CADPS: variants seen among roughly 807,000 people sequenced by gnomAD.
CADPS encodes the protein calcium-dependent secretion activator 1.
In CADPS, 57 loss-of-function variants were observed where a neutral mutation model predicts 167.3. That is an observed-to-expected ratio of 0.34 (90% confidence interval 0.28 to 0.42). The LOEUF (loss-of-function observed/expected upper bound fraction) is 0.42. Among genes scored for constraint, CADPS ranks in the 20% least tolerant of loss-of-function variants. The pLI is 1.00. For synonymous variants in CADPS, 676 were observed against 635.3 expected (o/e 1.06, Z -0.96); for missense variants, 1,414 against 1,738.1 (o/e 0.81, Z 3.32).
chr3:62,763,226 A>G lies in CADPS; in HGVS notation c.555+2645T>C, dbSNP rs928787295. On this transcript the variant is annotated intron_variant, in intron 2 of 29. Coordinates refer to ENST00000383710, the MANE Select transcript of CADPS (RefSeq NM_003716.4). ...GACATATGATCCATGTCAGTCCAAC[A>G]AAGTCACCCCATGTCTTTGCTAGGG... is the stretch of plus-strand genomic sequence containing the variant. 2.0e-5 allele frequency among the ~76,000 whole-genome samples: 3 copies of G among 152,154 alleles called. No individual in the cohort carries two copies. The East Asian group carries it at 5.8e-4, about 29-fold the overall frequency.
intron 24 of CADPS, among the ~76,000 whole-genome samples, chr3:62,472,579 T>C (rs1005905136): frequency 6.6e-6 from 1 of 152,196 alleles, no homozygotes; most frequent in Non-Finnish European, 1.5e-5. Flanking sequence ...ACCTGGCAGC[T>C]TGGACTCTAG....
chr3:62,849,067 T>C lies in CADPS; in HGVS notation c.441+25522A>G, dbSNP rs973222317. Among the ~76,000 whole-genome samples the C allele has an allele frequency of 5.5e-4, 83 of 150,946 alleles. 1 individual carries two copies. The highest frequency in any genetic ancestry group is 1.9e-3 in the African/African-American group (77 of 40,620). On this transcript the variant is annotated intron_variant, in intron 1 of 29. Transcript: ENST00000383710. ...ATTGTGAATGGGAGTTCACTCATGA[T>C]TTGGCTGTTTGTCTGTTGTTGGTGT...
At chr3:62,812,464 A>G (rs2094432694) in intron 1 of CADPS, among the ~76,000 whole-genome samples, 1 of 152,196 alleles carries the variant, frequency 6.6e-6, no homozygotes, top group East Asian at 1.9e-4. Flanking sequence ...CCTTCCTGCT[A>G]GAAAATGAGT....
At chr3:62,818,867 T>A (rs563790520) in intron 1 of CADPS, among the ~76,000 whole-genome samples, 80 of 152,284 alleles carry the variant, frequency 5.3e-4, no homozygotes, top group African/African-American at 1.8e-3. Context: ...AATCTACTGA[T>A]ACACACAACA....
chr3:62,559,731 T>G (rs1436989710), intron 9 of CADPS, among the ~76,000 whole-genome samples: 1 of 152,140 alleles, frequency 6.6e-6, no homozygotes, highest in Admixed American at 6.5e-5. Context: ...CGACTTCAGG[T>G]GATCTGCCCG....
At chr3:62,711,072 G>A (rs1321473262) in intron 3 of CADPS, among the ~76,000 whole-genome samples, 5 of 152,108 alleles carry the variant, frequency 3.3e-5, no homozygotes, top group African/African-American at 4.8e-5. Context: ...TTGGGGCCAA[G>A]AATTCCTCAG....
chr3:62,620,913 G>C lies in CADPS; in HGVS notation c.1325+24809C>G, dbSNP rs532240186. The stretch of plus-strand genomic sequence containing the variant: ...CTCCCTTTGCCTCTGTCAGGATGCA[G>C]GATGATGATTAAAAGGAGCACTGGA... On this transcript the variant is annotated intron_variant, in intron 6 of 29. Transcript: ENST00000383710. Among the ~76,000 whole-genome samples, 3 of 152,262 alleles carry C rather than the reference G, an allele frequency of 2.0e-5. No homozygotes were observed. The South Asian group carries it at 6.2e-4, about 32-fold the overall frequency.
intron 6 of CADPS, among the ~76,000 whole-genome samples, chr3:62,642,671 A>T (rs923677154): frequency 1.3e-5 from 2 of 152,148 alleles, no homozygotes; most frequent in African/African-American, 4.8e-5. Context: ...CTTTGGGAGG[A>T]TGAGGCGGGG....
chr3:62,794,242 T>A (rs1417287179), intron 1 of CADPS, among the ~76,000 whole-genome samples: 1 of 152,094 alleles, frequency 6.6e-6, no homozygotes, highest in Non-Finnish European at 1.5e-5. Flanking sequence ...GTGTGTAGAA[T>A]GCGGATAACA....
Position 62,805,348 on chromosome 3 carries a change from T to C in CADPS, c.442-39364A>G, listed in dbSNP as rs115898667. ...ACCTATGAAGTAGGTATTAACCTTA[T>C]CTCCCTTTGTCTGAGGAAGAAACTG... is the stretch of plus-strand genomic sequence containing the variant. On this transcript the variant is annotated intron_variant, in intron 1 of 29. Coordinates refer to ENST00000383710, the MANE Select transcript of CADPS (RefSeq NM_003716.4). 8.9e-3 allele frequency among the ~76,000 whole-genome samples: 1,361 copies of C among 152,278 alleles called. 18 individuals carry two copies. The highest frequency in any genetic ancestry group is 0.031 in the African/African-American group (1,279 of 41,556).
At chr3:62,414,226 C>G (rs1316387497) in intron 28 of CADPS, among the ~76,000 whole-genome samples, 2 of 152,170 alleles carry the variant, frequency 1.3e-5, no homozygotes, top group East Asian at 3.9e-4. Context: ...TCCCCTGTCC[C>G]TTATCCACCA....
intron 11 of CADPS, among the ~76,000 whole-genome samples, chr3:62,539,663 T>G (rs1290321056): frequency 2.6e-5 from 4 of 152,156 alleles, no homozygotes; most frequent in African/African-American, 9.6e-5. Context: ...GAATAGTACC[T>G]GGCACGTAGT....
At chr3:62,513,448 T>C (rs2068299758) in intron 16 of CADPS, among the ~76,000 whole-genome samples, 1 of 151,946 alleles carries the variant, frequency 6.6e-6, no homozygotes, top group South Asian at 2.1e-4. Context: ...GGCTTAATTG[T>C]CTAACCTGTT....
At chr3:62,820,032 CACA>C (rs1333634877) in intron 1 of CADPS, among the ~76,000 whole-genome samples, 1 of 2,586 alleles carries the variant, frequency 3.9e-4, no homozygotes, top group Admixed American at 3.5e-3. Flanking sequence ...CATGTGTGCA[CACA>C]CACACACACA....
intron 1 of CADPS, among the ~76,000 whole-genome samples, chr3:62,774,197 A>C (rs2089689148): frequency 6.6e-6 from 1 of 152,176 alleles, no homozygotes; most frequent in African/African-American, 2.4e-5. Context: ...GAGAAGGAGA[A>C]GGAGGTCTAC....
rs369626712 is a variant in CADPS, at chr3:62,806,411, A to C, written c.442-40427T>G. Among the ~76,000 whole-genome samples the C allele has an allele frequency of 3.0e-4, 46 of 151,076 alleles. 1 individual carries two copies. Among genetic ancestry groups the C allele is most frequent in the African/African-American group, 1.1e-3 (46 of 41,172 alleles). ...GCCGGGTGTGGTGGCATGCAACTGTATTCCTAGTTACTCAGAAGGCTGAGG... is the reference window on the plus strand; with the variant it reads ...GCCGGGTGTGGTGGCATGCAACTGTCTTCCTAGTTACTCAGAAGGCTGAGG... On this transcript the variant is annotated intron_variant, in intron 1 of 29. Coordinates refer to ENST00000383710, the MANE Select transcript of CADPS (RefSeq NM_003716.4).
chr3:62,785,144 G>A lies in CADPS; in HGVS notation c.442-19160C>T, dbSNP rs1022880599. On this transcript the variant is annotated intron_variant, in intron 1 of 29. Transcript: ENST00000383710. ...TGATCATTAACAAGTTGGATGATGGGTACAAGAGGGTTAGTTAAACTAACC... is the reference window on the plus strand; with the variant it reads ...TGATCATTAACAAGTTGGATGATGGATACAAGAGGGTTAGTTAAACTAACC... 1.2e-4 allele frequency among the ~76,000 whole-genome samples: 18 copies of A among 152,100 alleles called. 1 individual carries two copies. Among genetic ancestry groups the A allele is most frequent in the Admixed American group, 3.3e-4 (5 of 15,266 alleles).
At chr3:62,549,391 A>T (rs2076972659) in intron 11 of CADPS, among the ~76,000 whole-genome samples, 1 of 146,516 alleles carries the variant, frequency 6.8e-6, no homozygotes, top group South Asian at 2.2e-4. Context: ...AGACAGTTTC[A>T]TTTTTGGGTC....
chr3:62,431,971 T>A (rs1038283268), intron 28 of CADPS, among the ~76,000 whole-genome samples: 4 of 152,022 alleles, frequency 2.6e-5, no homozygotes, highest in African/African-American at 9.7e-5. Context: ...GTTAGCCATA[T>A]TTTCTAAATG....
Sources: gnomAD v4.1 joint callset for allele counts (sites outside exome capture counted in the v4.1 genomes callset) on GRCh38, gnomAD v4.1.1 for gene constraint, MANE v1.5 for transcripts, NCBI Gene and HGNC (gene_info 2026-07-23, HGNC 2026-07-21) for gene names.